The following YWHAQ variants were observed in gnomAD, a reference collection of about 807,000 sequenced individuals.
The protein encoded by YWHAQ is 14-3-3 protein theta.
YWHAQ carries 6 observed loss-of-function variants against 28.3 expected under a neutral mutation model. That is an observed-to-expected ratio of 0.21 (90% CI 0.12 to 0.42). The LOEUF (loss-of-function observed/expected upper bound fraction) is 0.42, where lower values mean the gene tolerates loss of function less well. Among genes scored for constraint, YWHAQ ranks in the 10% least tolerant of loss-of-function variants. YWHAQ has a pLI of 1.00. For synonymous variants in YWHAQ, 143 were observed against 119.1 expected (o/e 1.20, Z -1.31); for missense variants, 201 against 305.6 (o/e 0.66, Z 2.55).
At position 9,594,762 on chromosome 2, in the gene YWHAQ, T is replaced by C. The variant is rs114686226; in HGVS notation, c.295-3247A>G. 7.2e-3 allele frequency among the ~76,000 whole-genome samples: 1,099 copies of C among 152,314 alleles called. 12 individuals carry two copies. The highest frequency in any genetic ancestry group is 0.014 in the South Asian group (66 of 4,828). The stretch of plus-strand genomic sequence containing the variant: ...TGCTCTGTTAACTGTGGTAGATTTG[T>C]AAGAGCAGGGGCTGAGAAAAGTCTG... On this transcript the variant is annotated intron_variant, in intron 2 of 5. Coordinates refer to ENST00000238081, the MANE Select transcript of YWHAQ (RefSeq NM_006826.4).
intron 2 of YWHAQ, among the ~76,000 whole-genome samples, chr2:9,599,651 G>C (rs568473878): frequency 6.6e-6 from 1 of 152,308 alleles, no homozygotes; most frequent in South Asian, 2.1e-4. Flanking sequence ...AATATTTTAA[G>C]TCCATTGTTG....
intron 2 of YWHAQ, among the ~76,000 whole-genome samples, chr2:9,618,911 T>G (rs894682400): frequency 1.3e-5 from 2 of 152,130 alleles, no homozygotes; most frequent in Non-Finnish European, 2.9e-5. Context: ...TCAGGGCTTT[T>G]ATAAATTTGT....
At chr2:9,586,145 T>C (rs1331963656) in intron 5 of YWHAQ, among the ~76,000 whole-genome samples, 2 of 152,184 alleles carry the variant, frequency 1.3e-5, no homozygotes, top group African/African-American at 4.8e-5. Flanking sequence ...ACTTACTTTG[T>C]GTTTCTCCAA....
chr2:9,625,199 T>A (rs553213507), intron 2 of YWHAQ, among the ~76,000 whole-genome samples: 1 of 150,866 alleles, frequency 6.6e-6, no homozygotes, highest in East Asian at 2.0e-4. Flanking sequence ...GAGACAGAGG[T>A]TGCAGTGAGC....
chr2:9,591,335 T>C, intron 3 of YWHAQ, 57 bp downstream of exon 3: 1 of 1,577,034 alleles, frequency 6.3e-7, no homozygotes, highest in East Asian at 2.3e-5. Context: ...AGTGTCCCAT[T>C]TATCCCCATT....
intron 4 of YWHAQ, 111 bp from the exon 5 acceptor site, chr2:9,587,620 A>G: frequency 1.1e-6 from 1 of 872,916 alleles, no homozygotes; most frequent in South Asian, 2.0e-5. Context: ...ATGTTCTACC[A>G]TCAACAAACT....
chr2:9,593,898 T>TTAAA (rs1553372566), intron 2 of YWHAQ, among the ~76,000 whole-genome samples: 16 of 121,504 alleles, frequency 1.3e-4, no homozygotes, highest in African/African-American at 4.9e-4. Context: ...TTAAATAGAT[T>TTAAA]AAAAAAAATA....
intron 4 of YWHAQ, 83 bp from the exon 5 acceptor site, chr2:9,587,592 TAAGTG>T: frequency 8.3e-7 from 1 of 1,208,928 alleles, no homozygotes; most frequent in Non-Finnish European, 1.2e-6. Flanking sequence ...TTTTACAAAA[TAAGTG>T]AACACCCACC....
chr2:9,611,018 T>G (rs1666936996), intron 2 of YWHAQ, among the ~76,000 whole-genome samples: 1 of 152,184 alleles, frequency 6.6e-6, no homozygotes, highest in Non-Finnish European at 1.5e-5. Flanking sequence ...AAGTCAAGAC[T>G]GATTTGGAAA....
At chr2:9,610,302 T>C (rs565705654) in intron 2 of YWHAQ, among the ~76,000 whole-genome samples, 12 of 152,338 alleles carry the variant, frequency 7.9e-5, no homozygotes, top group African/African-American at 2.9e-4. Flanking sequence ...CCTTACCTAG[T>C]TGTATCTCAG....
intron 2 of YWHAQ, among the ~76,000 whole-genome samples, chr2:9,596,132 C>G (rs1558542851): frequency 6.6e-6 from 1 of 152,024 alleles, no homozygotes. Flanking sequence ...AACACAAAAG[C>G]TATAAAGAAT....
At chr2:9,593,071 G>A (rs1478720593) in intron 2 of YWHAQ, among the ~76,000 whole-genome samples, 1 of 152,064 alleles carries the variant, frequency 6.6e-6, no homozygotes, top group African/African-American at 2.4e-5. Flanking sequence ...ATACCAAGTT[G>A]GCAAGTCTGG....
chr2:9,618,023 A>C (rs1397436524), intron 2 of YWHAQ, among the ~76,000 whole-genome samples: 1 of 152,146 alleles, frequency 6.6e-6, no homozygotes, highest in Non-Finnish European at 1.5e-5. Flanking sequence ...ACTACATATT[A>C]TATGATTCTG....
chr2:9,596,881 G>A (rs1447786216), intron 2 of YWHAQ, among the ~76,000 whole-genome samples: 2 of 152,150 alleles, frequency 1.3e-5, no homozygotes, highest in Non-Finnish European at 2.9e-5. Flanking sequence ...CTGACCTCAA[G>A]GGATCCGCCC....
chr2:9,598,839 CTTTAA>C (rs1032586185), intron 2 of YWHAQ, among the ~76,000 whole-genome samples: 2 of 152,130 alleles, frequency 1.3e-5, no homozygotes, highest in African/African-American at 4.8e-5. Context: ...CTACAATGGC[CTTTAA>C]TTAAGTGTTC....
Position 9,591,455 on chromosome 2 carries a change from G to T in YWHAQ, c.355C>A (p.Leu119Met). 6.2e-7 allele frequency: 1 copy of T among 1,612,998 alleles called. No individual in the cohort carries two copies. Residue 119 changes from leucine to methionine, a missense_variant, in exon 3 of 6, where the codon CTG (leucine) becomes ATG (methionine). Around this residue, in one of 2 missense-constraint regions of YWHAQ, gnomAD observed 162 missense variants for 213.9 expected, o/e 0.76. Transcript: ENST00000238081. ...ATNPESKVFY[L>M]KMKGDYFRYL... is the part of the protein sequence containing the mutation. Reference sequence around the variant, plus strand: ...CGGAAGTAATCACCCTTCATTTTCAGATAGAAGACCTTACTCTCTGGATTA... The same window carrying T: ...CGGAAGTAATCACCCTTCATTTTCATATAGAAGACCTTACTCTCTGGATTA...
At chr2:9,609,873 CT>C (rs1478432024) in intron 2 of YWHAQ, among the ~76,000 whole-genome samples, 1 of 152,086 alleles carries the variant, frequency 6.6e-6, no homozygotes, top group East Asian at 1.9e-4. Context: ...CTAAAAGAAA[CT>C]TTTTTAGAGT....
chr2:9,617,127 A>ATT (rs566898850), intron 2 of YWHAQ, among the ~76,000 whole-genome samples: 23 of 140,196 alleles, frequency 1.6e-4, no homozygotes, highest in African/African-American at 2.4e-4. Flanking sequence ...CGCCCGGCTA[A>ATT]TTTTTTTTTT....
chr2:9,619,433 A>C (rs1157229964), intron 2 of YWHAQ, among the ~76,000 whole-genome samples: 2 of 152,204 alleles, frequency 1.3e-5, no homozygotes, highest in African/African-American at 2.4e-5. Context: ...TACCAAAAAA[A>C]GGTATTAAAT....
Sources: allele counts gnomAD v4.1 joint callset (sites outside exome capture counted in the v4.1 genomes callset), GRCh38; gene constraint gnomAD v4.1.1; regional missense constraint gnomAD v4.1.1; transcripts MANE v1.5; gene names NCBI Gene and HGNC (gene_info 2026-07-23, HGNC 2026-07-21).